Variants in KIFC2 observed in about 807,000 individuals in gnomAD.
KIFC2 encodes the protein kinesin family member C2, also known as kinesin-like protein KIFC2.
Under a neutral mutation model 91.5 loss-of-function variants are expected in KIFC2, and 94 were observed. That is an observed-to-expected ratio of 1.03 (90% CI 0.87 to 1.22). KIFC2 has a LOEUF of 1.22. Among genes scored for constraint, KIFC2 ranks in the 50% most tolerant of loss-of-function variants. The pLI is 0.00. For missense variants in KIFC2, 1,357 were observed against 1,103.3 expected (o/e 1.23, Z -3.26); for synonymous variants, 729 against 503.9 (o/e 1.45, Z -5.98).
rs764319475 is a variant in KIFC2 at position 144,467,534 on chromosome 8, C to T, written c.519C>T (p.Gly173=). ...CTTCCCACTTCACCGCAGTCCCAGG[C>T]GAGCCACTGGGGGATGAGACCCAGG... ...ESPSHFTAVP[G]EPLGDETQGQ... The change falls in exon 5 of 18, where the codon GGC becomes GGT. Residue 173 remains glycine, a synonymous_variant. Coordinates refer to ENST00000645548, the MANE Select transcript of KIFC2 (RefSeq NM_001369769.2). 5 of 1,599,294 alleles carry T rather than the reference C, an allele frequency of 3.1e-6. No homozygotes were observed. In the Admixed American group the frequency reaches 5.2e-5, roughly 17 times the overall value.
chr8:144,473,135 T>A lies in KIFC2; in HGVS notation c.2122T>A (p.Ser708Thr). 6.4e-7 allele frequency: 1 copy of A among 1,553,300 alleles called. No individual in the cohort carries two copies. The highest frequency in any genetic ancestry group is 1.9e-5 in the Admixed American group (1 of 52,462). The change falls in exon 18 of 18, where the codon TCC (serine) becomes ACC (threonine). Residue 708 changes from serine to threonine, a missense_variant. Physicochemically the swap from Ser to Thr is moderately conservative, Grantham distance 58. Coordinates refer to ENST00000645548, the MANE Select transcript of KIFC2 (RefSeq NM_001369769.2). The stretch of plus-strand genomic sequence containing the variant: ...CACCCGCGCCTCTTGCCCGCAGATC[T>A]CCACGCGGCCGGAGGATCTCGGGGA... ...GTTAVLLLQISTRPEDLGETV... is the reference protein window; with the variant it reads ...GTTAVLLLQITTRPEDLGETV...
rs749929979 is a variant in KIFC2 at position 144,466,371 on chromosome 8, G to A, written c.-49G>A. ...GCGGGCGGGCGCCGAGTCTGGGCGC[G>A]GGGACGCGGGGCGGCGCGAAGCGGG... On this transcript the variant is annotated 5_prime_UTR_variant, in exon 1 of 18. Coordinates refer to ENST00000645548, the MANE Select transcript of KIFC2 (RefSeq NM_001369769.2). The A allele has an allele frequency of 2.5e-6, 2 of 801,238 alleles. No individual in the cohort carries two copies. The highest frequency in any genetic ancestry group is 3.2e-6 in the Non-Finnish European group (2 of 615,664). The allele number at this position is 801,238 out of a possible 1,614,324, so 49.6% of individuals were successfully genotyped here.
Position 144,473,117 on chromosome 8 carries a change from G to T in KIFC2, c.2119-15G>T, listed in dbSNP as rs1426742018. 2 of 1,534,536 alleles carry T rather than the reference G, an allele frequency of 1.3e-6. No individual in the cohort carries two copies. The highest frequency in any genetic ancestry group is 1.8e-6 in the Non-Finnish European group (2 of 1,137,490). On this transcript the variant is annotated splice_polypyrimidine_tract_variant and intron_variant, in intron 17 of 17. Transcript: ENST00000645548. ...CGCCCACCCGGGCCCGCCCACCCGC[G>T]CCTCTTGCCCGCAGATCTCCACGCG...
intron 12 of KIFC2, among the ~76,000 whole-genome samples, chr8:144,471,501 C>T (rs1055499751): frequency 2.0e-5 from 3 of 151,984 alleles, no homozygotes; most frequent in African/African-American, 4.8e-5. Context: ...TTTGTACAGA[C>T]GGGATTTCAC....
In KIFC2 at chr8:144,467,984, G is replaced by A. The variant is rs1327516505; in HGVS notation, c.807G>A (p.Pro269=). The part of the protein sequence containing the change: ...HWGPGPPIRA[P]QEEAEALLEL... ...GCCCCGGGCCCCCCATCAGGGCTCC[G>A]CAGGTACTCTGCTCCCGAGCTGCAG... The change falls in exon 7 of 18, where the codon CCG becomes CCA. Residue 269 remains proline, a synonymous_variant. Transcript: ENST00000645548. 18 of 1,553,508 alleles carry A rather than the reference G, an allele frequency of 1.2e-5. No homozygotes were observed. The highest frequency in any genetic ancestry group is 1.5e-5 in the Non-Finnish European group (17 of 1,156,850).
In KIFC2 at chr8:144,467,843, G is replaced by A. The variant is rs367959922; in HGVS notation, c.682-16G>A. The A allele has an allele frequency of 1.2e-6, 2 of 1,613,362 alleles. No individual in the cohort carries two copies. The highest frequency in any genetic ancestry group is 1.3e-5 in the African/African-American group (1 of 74,912). On this transcript the variant is annotated splice_polypyrimidine_tract_variant and intron_variant, in intron 6 of 17. Coordinates refer to ENST00000645548, the MANE Select transcript of KIFC2 (RefSeq NM_001369769.2). ...GGGGGTGCTTCAGGTGAGTGCCGAG[G>A]TTTCCTCTCCACCAGGGGGCGACGG...
chr8:144,469,581 C>A lies in KIFC2; in HGVS notation c.1314C>A (p.Cys438Ter). 6.2e-7 allele frequency: 1 copy of A among 1,613,130 alleles called. No individual in the cohort carries two copies. The highest frequency in any genetic ancestry group is 8.5e-7 in the Non-Finnish European group (1 of 1,179,764). Residue 438 changes from cysteine (C) to a stop codon, truncating the protein, a stop_gained, in exon 12 of 18, where the codon TGC (cysteine) becomes TGA (stop). Transcript: ENST00000645548. LOFTEE classifies it high-confidence loss of function. ...EPGPGGTVTTCYRGRHRRFRL... is the reference protein window; with the variant it reads ...EPGPGGTVTT ...GCCCAGGGGGCACCGTCACCACCTG[C>A]TACCGGGGGCGCCATCGTCGATTCC... is the stretch of plus-strand genomic sequence containing the variant.
rs752334270 is a variant in KIFC2 at position 144,468,338 on chromosome 8, G to A, written c.820G>A (p.Glu274Lys). 1.7e-5 allele frequency: 28 copies of A among 1,611,836 alleles called. No individual in the cohort carries two copies. The highest frequency in any genetic ancestry group is 2.2e-5 in the East Asian group (1 of 44,826). The change falls in exon 8 of 18, where the codon GAG becomes AAG. Residue 274 changes from glutamate to lysine, a missense_variant. Coordinates refer to ENST00000645548, the MANE Select transcript of KIFC2 (RefSeq NM_001369769.2). Reference protein sequence around the residue: ...PPIRAPQEEAEALLELQGRLQ... With the variant: ...PPIRAPQEEAKALLELQGRLQ... ...CCCCACCCTCCCGCAGGAGGAGGCA[G>A]AGGCATTGCTAGAGCTCCAGGGCCG...
Position 144,467,954 on chromosome 8 carries a change from C to A in KIFC2, c.777C>A (p.His259Gln). ...SLSLMRDLLL[H>Q]WGPGPPIRAP... ...GTCTCATGCGGGACCTCCTGCTGCA[C>A]TGGGGCCCCGGGCCCCCCATCAGGG... Residue 259 changes from histidine (H) to glutamine (Q), a missense_variant, in exon 7 of 18, where the codon CAC becomes CAA. Physicochemically the swap from His to Gln is conservative, Grantham distance 24. Coordinates refer to ENST00000645548, the MANE Select transcript of KIFC2 (RefSeq NM_001369769.2). The A allele has an allele frequency of 6.3e-7, 1 of 1,594,262 alleles. No individual in the cohort carries two copies.
At position 144,469,362 on chromosome 8, in the gene KIFC2, G is replaced by A. The variant is rs1253322341; in HGVS notation, c.1205G>A (p.Arg402Gln). 12 of 1,610,422 alleles carry A rather than the reference G, an allele frequency of 7.5e-6. No individual in the cohort carries two copies. The highest frequency in any genetic ancestry group is 1.7e-5 in the Admixed American group (1 of 59,330). ...QQGPPAGCPG[R>Q]LPELKGNIRV... ...GGGCCCCCAGCCGGATGCCCAGGGC[G>A]GCTGCCAGAACTCAAGGGTATGACA... The change falls in exon 11 of 18, where the codon CGG becomes CAG. Residue 402 changes from arginine to glutamine, a missense_variant. Coordinates refer to ENST00000645548, the MANE Select transcript of KIFC2 (RefSeq NM_001369769.2).
chr8:144,473,697 A>G lies in KIFC2; in HGVS notation c.*308A>G. The G allele has an allele frequency of 4.1e-6, 2 of 483,412 alleles. No individual in the cohort carries two copies. The highest frequency in any genetic ancestry group is 3.9e-5 in the South Asian group (1 of 25,322). The allele number at this position is 483,412 out of a possible 1,614,324, so 29.9% of individuals were successfully genotyped here. A position where few individuals can be genotyped will look rare whatever the true frequency, so the allele number is the denominator to read the frequency against. ...GGCCCCCCCGCCAAGTGGTTACCCA[A>G]GTCACCACTCCTGACCCAAAAATCA... On this transcript the variant is annotated 3_prime_UTR_variant, in exon 18 of 18. Transcript: ENST00000645548.
chr8:144,469,081 C>T (rs559555994), intron 10 of KIFC2, among the ~76,000 whole-genome samples, 190 bp from the exon 11 acceptor site: 6 of 152,320 alleles, frequency 3.9e-5, no homozygotes, highest in East Asian at 3.9e-4. Context: ...GTGTTCCTGC[C>T]TGTCATTCCT....
intron 12 of KIFC2, among the ~76,000 whole-genome samples, chr8:144,469,894 C>T (rs749211632): frequency 6.6e-6 from 1 of 152,246 alleles, no homozygotes; most frequent in South Asian, 2.1e-4. Flanking sequence ...GTTTGCCCAG[C>T]TATGAGGGCC....
chr8:144,467,722 G>C lies in KIFC2; in HGVS notation c.624G>C (p.Glu208Asp), dbSNP rs371231187. 6.2e-7 allele frequency: 1 copy of C among 1,613,882 alleles called. No homozygotes were observed. The highest frequency in any genetic ancestry group is 1.7e-5 in the Admixed American group (1 of 60,012). The part of the protein sequence containing the change: ...LEQLILGQLE[E>D]LKQQLEQQEE... ...CTCTTACTTCTCCCCAGCTGGAGGA[G>C]CTGAAGCAGCAGCTGGAACAGCAGG... is the stretch of plus-strand genomic sequence containing the variant. Residue 208 changes from glutamate to aspartate, a missense_variant, in exon 6 of 18, where the codon GAG becomes GAC. Physicochemically the swap from Glu to Asp is conservative, Grantham distance 45. Coordinates refer to ENST00000645548, the MANE Select transcript of KIFC2 (RefSeq NM_001369769.2).
At chr8:144,472,313 C>CG in intron 14 of KIFC2, 48 bp from the exon 15 acceptor site, 1 of 1,613,434 alleles carries the variant, frequency 6.2e-7, no homozygotes, top group South Asian at 1.1e-5. Flanking sequence ...AGGGCCCTTC[C>CG]GGATTTCCAG....
rs569747071 is a variant in KIFC2, at chr8:144,473,782, T to C, written c.*393T>C. 2.2e-5 allele frequency: 8 copies of C among 358,466 alleles called. 1 individual carries two copies. The South Asian group carries it at 3.8e-4, about 17-fold the overall frequency. 22.2% of individuals were successfully genotyped at this position (358,466 alleles called of 1,614,324 possible). ...GTTATCCCCCCCACCACCAGGACCA[T>C]GTAGGGTGCAGTCTTTACTCCCTAA... On this transcript the variant is annotated 3_prime_UTR_variant, in exon 18 of 18. Transcript: ENST00000645548.
chr8:144,467,275 A>T lies in KIFC2; in HGVS notation c.403A>T (p.Arg135Trp). The change falls in exon 4 of 18, where the codon AGG becomes TGG. Residue 135 changes from arginine (R) to tryptophan (W), a missense_variant. Transcript: ENST00000645548. ...LALLAWLRSP[R>W]GRQALLQGTQ... ...CCTTCTGGCATGGCTTCGAAGCCCC[A>T]GGGGGAGGCAGGCCCTGCTCCAGGG... 6.2e-7 allele frequency: 1 copy of T among 1,613,340 alleles called. No homozygotes were observed. The highest frequency in any genetic ancestry group is 8.5e-7 in the Non-Finnish European group (1 of 1,179,984).
In KIFC2 at chr8:144,467,571, C is replaced by T. The variant is rs769883789; in HGVS notation, c.556C>T (p.Leu186Phe). ...LGDETQGQQP[L>F]QLEEDQRAWQ... Reference sequence around the variant, plus strand: ...GGATGAGACCCAGGGACAGCAGCCCCTCCAGTTGGAGGAGGATCAGAGGGC... The same window carrying T: ...GGATGAGACCCAGGGACAGCAGCCCTTCCAGTTGGAGGAGGATCAGAGGGC... Residue 186 changes from leucine (L) to phenylalanine (F), a missense_variant, in exon 5 of 18, where the codon CTC becomes TTC. Coordinates refer to ENST00000645548, the MANE Select transcript of KIFC2 (RefSeq NM_001369769.2). 6.2e-6 allele frequency: 10 copies of T among 1,605,770 alleles called. No individual in the cohort carries two copies. The highest frequency in any genetic ancestry group is 1.3e-5 in the African/African-American group (1 of 74,716).
intron 10 of KIFC2, 150 bp downstream of exon 10, chr8:144,468,984 C>T (rs1824812806): frequency 9.0e-6 from 6 of 667,704 alleles, no homozygotes; most frequent in East Asian, 2.7e-5. Context: ...GATTCCACTT[C>T]TGGGCCTTAT....
Sources: allele counts gnomAD v4.1 joint callset (sites outside exome capture counted in the v4.1 genomes callset), GRCh38; gene constraint gnomAD v4.1.1; transcripts MANE v1.5; gene names NCBI Gene and HGNC (gene_info 2026-07-23, HGNC 2026-07-21).